Variants in TSPAN18 observed in about 807,000 individuals in gnomAD.
TSPAN18 encodes tetraspanin-18.
Under a neutral mutation model 27.3 loss-of-function variants are expected in TSPAN18, and 14 were observed. That is an observed-to-expected ratio of 0.51 (90% confidence interval 0.34 to 0.80). TSPAN18 has a LOEUF of 0.80. TSPAN18 is among the 30% of genes least tolerant of loss of function. The pLI is 0.01. For synonymous variants in TSPAN18, 143 were observed against 136.5 expected, an observed-to-expected ratio of 1.05 and a Z score of -0.33; for missense variants, 268 against 323.9, an observed-to-expected ratio of 0.83 and a Z score of 1.32.
intron 1 of TSPAN18, among the ~76,000 whole-genome samples, chr11:44,730,090 G>A (rs1417561482): frequency 6.6e-6 from 1 of 152,194 alleles, no homozygotes; most frequent in Non-Finnish European, 1.5e-5. Context: ...TTCAGTGGAA[G>A]GTGCCTCTCC....
Position 44,823,155 on chromosome 11 carries a change from C to T in TSPAN18, c.-152-37173C>T, listed in dbSNP as rs529076142. Among the ~76,000 whole-genome samples the T allele has an allele frequency of 1.2e-4, 18 of 152,326 alleles. No homozygotes were observed. The East Asian group carries it at 1.4e-3, about 11-fold the overall frequency. Reference sequence around the variant, plus strand: ...AATCAGGGACCTCCACGGCCGGCAACGCCCCCCCACTGCCCAGGCCTTGCT... The same window carrying T: ...AATCAGGGACCTCCACGGCCGGCAATGCCCCCCCACTGCCCAGGCCTTGCT... On this transcript the variant is annotated intron_variant, in intron 2 of 9. Transcript: ENST00000520358.
chr11:44,800,767 G>C (rs191332974), intron 2 of TSPAN18, among the ~76,000 whole-genome samples: 157 of 152,358 alleles, frequency 1.0e-3, no homozygotes, highest in African/African-American at 3.4e-3. Flanking sequence ...GGGGACAGGT[G>C]GGGGCAGGGA....
intron 2 of TSPAN18, among the ~76,000 whole-genome samples, chr11:44,824,798 G>A (rs570129224): frequency 9.2e-5 from 14 of 152,320 alleles, no homozygotes; most frequent in East Asian, 5.8e-4. Flanking sequence ...GGGAGAAGCC[G>A]GAGAAAGGAG....
intron 2 of TSPAN18, among the ~76,000 whole-genome samples, chr11:44,786,031 G>A (rs1190983481): frequency 1.3e-5 from 2 of 152,370 alleles, no homozygotes; most frequent in South Asian, 2.1e-4. Flanking sequence ...GTGAAGTGCT[G>A]AGCACTGTGC....
chr11:44,728,456 C>T (rs758000101), intron 1 of TSPAN18, among the ~76,000 whole-genome samples: 1 of 152,118 alleles, frequency 6.6e-6, no homozygotes, highest in Non-Finnish European at 1.5e-5. Context: ...GGTCGAATCC[C>T]TGTCTGGTGA....
At chr11:44,728,025 G>A (rs748543463) in intron 1 of TSPAN18, among the ~76,000 whole-genome samples, 2 of 152,208 alleles carry the variant, frequency 1.3e-5, no homozygotes, top group Non-Finnish European at 1.5e-5. Context: ...GGGGCGCACT[G>A]CCCCGGCCCT....
intron 4 of TSPAN18, among the ~76,000 whole-genome samples, chr11:44,906,877 C>T (rs1369761266): frequency 6.6e-6 from 1 of 152,164 alleles, no homozygotes; most frequent in Non-Finnish European, 1.5e-5. Context: ...CCTGGAGGGG[C>T]CGAGTCCATG....
chr11:44,740,711 A>G (rs1290162150), intron 1 of TSPAN18, among the ~76,000 whole-genome samples: 2 of 152,192 alleles, frequency 1.3e-5, no homozygotes, highest in Non-Finnish European at 2.9e-5. Context: ...TGATGGAGGG[A>G]GCACTGGACT....
intron 2 of TSPAN18, among the ~76,000 whole-genome samples, chr11:44,771,557 G>A (rs73450625): frequency 0.08 from 12,106 of 152,194 alleles, 769 homozygotes; most frequent in African/African-American, 0.18. Flanking sequence ...GAAACAACTG[G>A]TAGAATATAC....
At chr11:44,867,371 A>G (rs1206402263) in intron 3 of TSPAN18, among the ~76,000 whole-genome samples, 1 of 142,438 alleles carries the variant, frequency 7.0e-6, no homozygotes, top group Non-Finnish European at 1.5e-5. Context: ...GGTACTGGAG[A>G]AGGCTTGGTT....
chr11:44,848,249 T>G (rs1484339430), intron 2 of TSPAN18, among the ~76,000 whole-genome samples: 1 of 152,116 alleles, frequency 6.6e-6, no homozygotes, highest in Non-Finnish European at 1.5e-5. Flanking sequence ...CCTGATCCAT[T>G]TGGCTCTTCG....
chr11:44,918,963 G>A (rs1860018872), intron 6 of TSPAN18, among the ~76,000 whole-genome samples: 1 of 152,010 alleles, frequency 6.6e-6, no homozygotes, highest in South Asian at 2.1e-4. Flanking sequence ...TGCAGGTGGA[G>A]TGAGGTCCTC....
chr11:44,860,106 T>G (rs571978657), intron 2 of TSPAN18, among the ~76,000 whole-genome samples: 1 of 152,316 alleles, frequency 6.6e-6, no homozygotes, highest in East Asian at 1.9e-4. Flanking sequence ...ACTCAGCACA[T>G]GCAAACACAG....
At chr11:44,924,969 C>A (rs183312882) in intron 8 of TSPAN18, among the ~76,000 whole-genome samples, 180 of 152,338 alleles carry the variant, frequency 1.2e-3, no homozygotes, top group Non-Finnish European at 1.4e-3. Context: ...GACCCTGGGC[C>A]TCACTGAATG....
chr11:44,755,548 G>A (rs1403705330), intron 1 of TSPAN18, among the ~76,000 whole-genome samples: 1 of 152,020 alleles, frequency 6.6e-6, no homozygotes, highest in Non-Finnish European at 1.5e-5. Context: ...AGCTGGGGAC[G>A]CAGCCCCAAG....
At chr11:44,791,552 C>A (rs1440048225) in intron 2 of TSPAN18, among the ~76,000 whole-genome samples, 1 of 152,212 alleles carries the variant, frequency 6.6e-6, no homozygotes. Flanking sequence ...CCCACCCCGC[C>A]TCCTTCTCCT....
chr11:44,926,612 G>A (rs1372669195), intron 8 of TSPAN18, 62 bp from the exon 9 acceptor site: 19 of 1,477,684 alleles, frequency 1.3e-5, no homozygotes, highest in East Asian at 2.3e-5. Flanking sequence ...TCCACATGCT[G>A]GACTCTGACT....
chr11:44,929,208 C>G lies in TSPAN18; in HGVS notation c.*30C>G, dbSNP rs988483973. The G allele has an allele frequency of 1.9e-5, 30 of 1,613,132 alleles. No individual in the cohort carries two copies. The highest frequency in any genetic ancestry group is 2.5e-5 in the Non-Finnish European group (30 of 1,179,894). On this transcript the variant is annotated 3_prime_UTR_variant, in exon 10 of 10. Coordinates refer to ENST00000520358, the MANE Select transcript of TSPAN18 (RefSeq NM_130783.5). The stretch of plus-strand genomic sequence containing the variant: ...TATGGCCTGAAGCCTGAAGACTCGC[C>G]CCACCCACCACTGCCCAGCACCCAG...
chr11:44,877,577 C>G (rs11605582), intron 3 of TSPAN18, among the ~76,000 whole-genome samples: 28,491 of 152,078 alleles, frequency 0.19, 2,957 homozygotes, highest in East Asian at 0.26. Flanking sequence ...ATCATCTCCC[C>G]GGGTGTCCAA....
Sources: gnomAD v4.1 joint callset for allele counts (sites outside exome capture counted in the v4.1 genomes callset) on GRCh38, gnomAD v4.1.1 for gene constraint, MANE v1.5 for transcripts, NCBI Gene and HGNC (gene_info 2026-07-23, HGNC 2026-07-21) for gene names.